FGF14: variants seen among roughly 807,000 people sequenced by gnomAD.
FGF14 encodes the protein fibroblast growth factor 14.
Under a neutral mutation model 25.5 loss-of-function variants are expected in FGF14, and 5 were observed. The observed-to-expected ratio is 0.20, with a 90% CI of 0.10 to 0.41. The LOEUF is 0.41. FGF14 is among the 10% of genes least tolerant of loss of function. The pLI, the probability that FGF14 is intolerant of heterozygous loss-of-function variation, is 1.00. For missense variants in FGF14, 222 were observed against 320.1 expected, an observed-to-expected ratio of 0.69 and a Z score of 2.34; for synonymous variants, 138 against 118.3, an observed-to-expected ratio of 1.17 and a Z score of -1.08.
chr13:101,717,887 T>C lies in FGF14; in HGVS notation c.*4944A>G, dbSNP rs2034786344. ...TCTTATAATCCTCTGTATGTTATTA[T>C]CCTTTTTATTAACAACAACAACTAC... On this transcript the variant is annotated 3_prime_UTR_variant, in exon 5 of 5. Coordinates refer to ENST00000376143, the MANE Select transcript of FGF14 (RefSeq NM_004115.4). The C allele has an allele frequency of 6.6e-6, 1 of 152,124 alleles. No homozygotes were observed. The highest frequency in any genetic ancestry group is 1.5e-5 in the Non-Finnish European group (1 of 68,010). The allele number at this position is 152,124 out of a possible 1,614,324, so 9.4% of individuals were successfully genotyped here.
intron 3 of FGF14, among the ~76,000 whole-genome samples, chr13:101,848,606 C>T (rs1360258015): frequency 1.3e-5 from 2 of 151,760 alleles, no homozygotes; most frequent in African/African-American, 4.8e-5. Context: ...CACCGGATAA[C>T]AGAAAAAGAG....
chr13:102,383,388 A>C (rs1398665650), intron 1 of FGF14, among the ~76,000 whole-genome samples: 3 of 152,228 alleles, frequency 2.0e-5, no homozygotes, highest in Non-Finnish European at 4.4e-5. Context: ...AAGCATTGTC[A>C]ATCAGCTTTG....
intron 1 of FGF14, among the ~76,000 whole-genome samples, chr13:101,889,131 T>C (rs2046139400): frequency 6.6e-6 from 1 of 152,168 alleles, no homozygotes; most frequent in African/African-American, 2.4e-5. Context: ...GATCTTGACC[T>C]TGCAGCTTTC....
intron 1 of FGF14, among the ~76,000 whole-genome samples, chr13:101,924,174 T>C (rs1335691078): frequency 3.9e-5 from 6 of 152,108 alleles, no homozygotes; most frequent in Non-Finnish European, 1.5e-5. Flanking sequence ...AAAGGAAAGT[T>C]CATTTATAAT....
At chr13:101,840,060 CA>C (rs1236299840) in intron 3 of FGF14, among the ~76,000 whole-genome samples, 1 of 151,964 alleles carries the variant, frequency 6.6e-6, no homozygotes, top group Non-Finnish European at 1.5e-5. Context: ...AACCAAGCCT[CA>C]ATCTCTTCTT....
chr13:101,969,939 T>G (rs2037492770), intron 1 of FGF14, among the ~76,000 whole-genome samples: 1 of 152,188 alleles, frequency 6.6e-6, no homozygotes, highest in Non-Finnish European at 1.5e-5. Flanking sequence ...TAGCAAACAT[T>G]CGTAATTTAT....
intron 1 of FGF14, among the ~76,000 whole-genome samples, chr13:102,003,893 C>A (rs74108959): frequency 6.6e-6 from 1 of 152,060 alleles, no homozygotes; most frequent in South Asian, 2.1e-4. Context: ...ATCGAAGACA[C>A]CACTCAGTTA....
chr13:102,242,939 C>T (rs1442371251), intron 1 of FGF14, among the ~76,000 whole-genome samples: 1 of 152,106 alleles, frequency 6.6e-6, no homozygotes, highest in Non-Finnish European at 1.5e-5. Context: ...TTCCAGGCCT[C>T]CTTTGCTTTT....
At chr13:101,778,921 T>C (rs923037996) in intron 3 of FGF14, 1 of 152,052 alleles carries the variant, frequency 6.6e-6, no homozygotes, top group East Asian at 1.9e-4. Flanking sequence ...TACCACCAAT[T>C]ATGCAGCCGA....
intron 1 of FGF14, among the ~76,000 whole-genome samples, chr13:102,207,624 T>TAAAAAAAAAAAAAAAAAAAAAAAA (rs35568335): frequency 1.1e-5 from 1 of 92,486 alleles, no homozygotes; most frequent in Non-Finnish European, 2.0e-5. Context: ...CAGTTTTCAT[T>TAAAAAAAAAAAAAAAAAAAAAAAA]AAAAAAAAAA....
At chr13:102,221,600 G>T (rs780033289) in intron 1 of FGF14, among the ~76,000 whole-genome samples, 4 of 140,574 alleles carry the variant, frequency 2.8e-5, no homozygotes, top group Non-Finnish European at 6.1e-5. Context: ...GGGTTGATAT[G>T]AATGACATCA....
chr13:101,913,079 G>T (rs1029233599), intron 1 of FGF14, among the ~76,000 whole-genome samples: 2 of 152,146 alleles, frequency 1.3e-5, no homozygotes, highest in South Asian at 2.1e-4. Flanking sequence ...ATAAATGAAG[G>T]CTTCTCAGAG....
intron 1 of FGF14, among the ~76,000 whole-genome samples, chr13:101,956,467 G>A (rs547719979): frequency 5.9e-5 from 9 of 152,070 alleles, no homozygotes; most frequent in Non-Finnish European, 1.3e-4. Context: ...AAATATACAA[G>A]GCCTGGAATG....
At position 101,867,932 on chromosome 13, in the gene FGF14, ACACGCG is replaced by A. The variant is rs1452765338; in HGVS notation, c.408+787_408+792del. Among the ~76,000 whole-genome samples, 41 of 126,458 alleles carry A rather than the reference ACACGCG, an allele frequency of 3.2e-4. 2 individuals are homozygous for A. In the South Asian group the frequency reaches 8.9e-3, roughly 27 times the overall value. 83.0% of individuals were successfully genotyped at this position (126,458 alleles called of 152,430 possible). A position where few individuals can be genotyped will look rare whatever the true frequency, so the allele number is the denominator to read the frequency against. ...CACACACACACACACACACACACAC[ACACGCG>A]CACACACACAATATGTGTATATTTA... On this transcript the variant is annotated intron_variant, in intron 3 of 4. Coordinates refer to ENST00000376143, the MANE Select transcript of FGF14 (RefSeq NM_004115.4).
chr13:101,920,295 C>T (rs559394668), upstream of FGF14, among the ~76,000 whole-genome samples: 1 of 152,224 alleles, frequency 6.6e-6, no homozygotes, highest in African/African-American at 2.4e-5. Flanking sequence ...AAATAAAGTA[C>T]GGCCCAGGTG....
chr13:102,300,514 G>T (rs2054975965), intron 1 of FGF14, among the ~76,000 whole-genome samples: 1 of 152,060 alleles, frequency 6.6e-6, no homozygotes, highest in African/African-American at 2.4e-5. Context: ...CCTCTCAGTT[G>T]CTCAAGAGCA....
chr13:101,926,709 T>C (rs538862434), intron 1 of FGF14, among the ~76,000 whole-genome samples: 1 of 152,304 alleles, frequency 6.6e-6, no homozygotes, highest in African/African-American at 2.4e-5. Context: ...AAAATGAGAT[T>C]TGGGGCCTAA....
At chr13:102,243,653 A>ATT (rs776765068) in intron 1 of FGF14, among the ~76,000 whole-genome samples, 40 of 67,032 alleles carry the variant, frequency 6.0e-4, no homozygotes, top group Admixed American at 1.1e-3. Context: ...GACTTTGGGC[A>ATT]TGTTTTTTTT....
intron 1 of FGF14, among the ~76,000 whole-genome samples, chr13:102,196,539 A>T (rs9554856): frequency 0.13 from 20,321 of 152,210 alleles, 1,704 homozygotes; most frequent in Non-Finnish European, 0.18. Context: ...TTATCTTTTT[A>T]AAATTTTTAT....
Sources: allele counts gnomAD v4.1 joint callset (sites outside exome capture counted in the v4.1 genomes callset), GRCh38; gene constraint gnomAD v4.1.1; transcripts MANE v1.5; gene names NCBI Gene and HGNC (gene_info 2026-07-23, HGNC 2026-07-21).